The following EDIL3 variants were observed in gnomAD, a reference collection of about 807,000 sequenced individuals.
EDIL3 encodes EGF like and discoidin domains 3.
Under a neutral mutation model 67.4 loss-of-function variants are expected in EDIL3, and 37 were observed. The ratio of observed to expected loss-of-function variants is 0.55; its 90% CI spans 0.42 to 0.72. EDIL3 has a LOEUF of 0.72. EDIL3 is among the 30% of genes least tolerant of loss of function. The probability of loss-of-function intolerance (pLI) is 0.00; values close to 1 mark genes in which losing one functional copy is unlikely to be tolerated. For missense variants in EDIL3, 527 were observed against 586.3 expected (o/e 0.90, Z 1.04); for synonymous variants, 195 against 196.3 (o/e 0.99, Z 0.05).
intron 5 of EDIL3, among the ~76,000 whole-genome samples, chr5:84,114,153 T>G (rs10058786): frequency 0.019 from 2,863 of 149,726 alleles, 38 homozygotes; most frequent in Non-Finnish European, 0.031. Flanking sequence ...CTAAAGTTTT[T>G]TTTTTTTTTT....
chr5:84,371,341 ATGTGTG>A (rs1554044710), intron 1 of EDIL3, among the ~76,000 whole-genome samples: 3 of 129,658 alleles, frequency 2.3e-5, no homozygotes, highest in Middle Eastern at 4.1e-3. Context: ...ATATATATAT[ATGTGTG>A]TGTGTATATA....
chr5:84,291,705 T>A (rs1480479958), intron 1 of EDIL3, among the ~76,000 whole-genome samples: 1 of 144,648 alleles, frequency 6.9e-6, no homozygotes, highest in Admixed American at 7.1e-5. Flanking sequence ...TATCTATCTA[T>A]GTAGATCTAT....
At chr5:84,125,741 G>A (rs928863220) in intron 5 of EDIL3, among the ~76,000 whole-genome samples, 1 of 151,982 alleles carries the variant, frequency 6.6e-6, no homozygotes, top group Non-Finnish European at 1.5e-5. Context: ...ATGTTTTGGT[G>A]AACTCTTATA....
chr5:84,060,104 T>C (rs1746514711), intron 9 of EDIL3, among the ~76,000 whole-genome samples, 196 bp downstream of exon 9: 1 of 152,160 alleles, frequency 6.6e-6, no homozygotes, highest in Non-Finnish European at 1.5e-5. Context: ...CTAGCATCTA[T>C]AAACCAACAC....
At chr5:84,198,305 C>T (rs964335670) in intron 3 of EDIL3, among the ~76,000 whole-genome samples, 1 of 151,224 alleles carries the variant, frequency 6.6e-6, no homozygotes, top group Non-Finnish European at 1.5e-5. Context: ...AATTCTTGGT[C>T]TTGGCTAGTA....
At chr5:84,377,210 G>A (rs2112219525) in intron 1 of EDIL3, among the ~76,000 whole-genome samples, 1 of 152,082 alleles carries the variant, frequency 6.6e-6, no homozygotes, top group Admixed American at 6.5e-5. Context: ...CTATTCAGGA[G>A]GCTGAGGCAG....
intron 2 of EDIL3, among the ~76,000 whole-genome samples, chr5:84,246,867 GTA>G (rs1744919149): frequency 6.6e-6 from 1 of 151,984 alleles, no homozygotes; most frequent in South Asian, 2.1e-4. Context: ...AGTTTATATG[GTA>G]TGTTACAGAA....
chr5:84,102,757 C>T (rs150041149), intron 6 of EDIL3, among the ~76,000 whole-genome samples: 40 of 152,170 alleles, frequency 2.6e-4, no homozygotes, highest in South Asian at 4.2e-4. Flanking sequence ...CCATTCCATG[C>T]TTGTGGATAC....
Position 84,183,679 on chromosome 5 carries a change from G to A in EDIL3, c.227-3158C>T, listed in dbSNP as rs535305055. Among the ~76,000 whole-genome samples the A allele has an allele frequency of 7.2e-5, 11 of 152,270 alleles. No homozygotes were observed. In the South Asian group the frequency reaches 1.4e-3, roughly 20 times the overall value. On this transcript the variant is annotated intron_variant, in intron 3 of 10. Transcript: ENST00000296591. ...AAACCAAAACTGGTAAGAAATTACC[G>A]AAGAGAGTGGAGTAATTTATATCAC...
At chr5:84,350,647 CT>C (rs1747336644) in intron 1 of EDIL3, among the ~76,000 whole-genome samples, 3 of 151,748 alleles carry the variant, frequency 2.0e-5, no homozygotes, top group African/African-American at 7.3e-5. Context: ...AATAGTGATC[CT>C]CATATTATGC....
intron 6 of EDIL3, among the ~76,000 whole-genome samples, chr5:84,067,679 A>G (rs1392790463): frequency 6.6e-6 from 1 of 152,160 alleles, no homozygotes; most frequent in Admixed American, 6.5e-5. Flanking sequence ...TTAGCATTTG[A>G]AATGGTCCAC....
chr5:84,116,550 T>C (rs1169722270), intron 5 of EDIL3, among the ~76,000 whole-genome samples: 1 of 152,110 alleles, frequency 6.6e-6, no homozygotes, highest in African/African-American at 2.4e-5. Flanking sequence ...GTTTCATCTT[T>C]CCAAATTAAA....
chr5:84,372,091 G>A (rs367714890), intron 1 of EDIL3, among the ~76,000 whole-genome samples: 1 of 152,004 alleles, frequency 6.6e-6, no homozygotes, highest in Non-Finnish European at 1.5e-5. Context: ...ACAGACTAAC[G>A]TATGTGGCGG....
chr5:84,166,436 A>C (rs1163276710), intron 4 of EDIL3, among the ~76,000 whole-genome samples: 1 of 152,158 alleles, frequency 6.6e-6, no homozygotes, highest in Non-Finnish European at 1.5e-5. Context: ...CTATTAGACA[A>C]TACATTAAAT....
At position 84,384,455 on chromosome 5, in the gene EDIL3, G is replaced by A; in HGVS notation, c.-81C>T. The stretch of plus-strand genomic sequence containing the variant: ...GTAGCCGAGGTGGCAGCGCAGGGCA[G>A]CAGCAGACTCCGCCCCTACTAAAGA... On this transcript the variant is annotated 5_prime_UTR_variant, in exon 1 of 11. Transcript: ENST00000296591. 3.7e-6 allele frequency: 5 copies of A among 1,364,888 alleles called. No homozygotes were observed. Among genetic ancestry groups the A allele is most frequent in the Non-Finnish European group, 5.2e-6 (5 of 963,750 alleles). The allele number at this position is 1,364,888 out of a possible 1,614,324, so 84.5% of individuals were successfully genotyped here. A position where few individuals can be genotyped will look rare whatever the true frequency, so the allele number is the denominator to read the frequency against.
intron 4 of EDIL3, among the ~76,000 whole-genome samples, chr5:84,146,899 A>G (rs1748299179): frequency 6.6e-6 from 1 of 152,114 alleles, no homozygotes; most frequent in Non-Finnish European, 1.5e-5. Flanking sequence ...TATACTTAAA[A>G]GGACACAAAA....
chr5:84,254,108 T>C lies in EDIL3; in HGVS notation c.172A>G (p.Asn58Asp). Residue 58 changes from asparagine (N) to aspartate (D), a missense_variant, in exon 2 of 11, where the codon AAC (asparagine) becomes GAC (aspartate). By Grantham distance (23) the Asn-to-Asp change is conservative. This residue lies in a region of EDIL3 where 494 missense variants were observed against 522.5 expected (regional missense o/e 0.95). Transcript: ENST00000296591. Reference sequence around the variant, plus strand: ...CCAACCTCCACAACACTAGAACAGTTGGGGTCTGTGAAGCCATCTGGACAC... The same window carrying C: ...CCAACCTCCACAACACTAGAACAGTCGGGGTCTGTGAAGCCATCTGGACAC... ...CECPDGFTDP[N>D]CSSVVEVASD... 1 of 1,611,248 alleles carries C rather than the reference T, an allele frequency of 6.2e-7. No homozygotes were observed. Among genetic ancestry groups the C allele is most frequent in the Non-Finnish European group, 8.5e-7 (1 of 1,178,704 alleles).
At chr5:84,208,662 G>T (rs1744042371) in intron 3 of EDIL3, among the ~76,000 whole-genome samples, 1 of 133,436 alleles carries the variant, frequency 7.5e-6, no homozygotes, top group African/African-American at 2.9e-5. Context: ...GTCCGGCCTG[G>T]GCAACAGAGC....
intron 4 of EDIL3, among the ~76,000 whole-genome samples, chr5:84,166,412 T>C (rs1367008199): frequency 6.6e-6 from 1 of 152,172 alleles, no homozygotes; most frequent in Non-Finnish European, 1.5e-5. Context: ...CCCAATATCA[T>C]GGGAGATAGA....
Sources: allele counts gnomAD v4.1 joint callset (sites outside exome capture counted in the v4.1 genomes callset), GRCh38; gene constraint gnomAD v4.1.1; regional missense constraint gnomAD v4.1.1; transcripts MANE v1.5; gene names NCBI Gene and HGNC (gene_info 2026-07-23, HGNC 2026-07-21).